The following RAB27B variants were observed in gnomAD, a reference collection of about 807,000 sequenced individuals.
RAB27B encodes RAB27B, member RAS oncogene family, also known as ras-related protein Rab-27B.
Under a neutral mutation model 24.6 loss-of-function variants are expected in RAB27B, and 15 were observed. The ratio of observed to expected loss-of-function variants is 0.61; its 90% CI spans 0.41 to 0.94. The LOEUF (loss-of-function observed/expected upper bound fraction) is 0.94, where lower values mean the gene tolerates loss of function less well. Among genes scored for constraint, RAB27B ranks in the 40% least tolerant of loss-of-function variants. RAB27B has a pLI of 0.00. For synonymous variants in RAB27B, 105 were observed against 92.5 expected (o/e 1.14, Z -0.78); for missense variants, 261 against 266.8 (o/e 0.98, Z 0.15).
chr18:54,777,482 G>A (rs1030875686), intron 2 of RAB27B, among the ~76,000 whole-genome samples: 4 of 152,208 alleles, frequency 2.6e-5, no homozygotes, highest in Admixed American at 2.0e-4. Context: ...CTCTAGCTGC[G>A]CTTAAATTCA....
intron 2 of RAB27B, among the ~76,000 whole-genome samples, chr18:54,780,245 C>T (rs1258437978): frequency 1.4e-5 from 2 of 141,900 alleles, no homozygotes; most frequent in African/African-American, 5.4e-5. Context: ...CTCCCCCTCA[C>T]TATGTCTCCG....
At chr18:54,816,813 G>T (rs951192300) in intron 2 of RAB27B, among the ~76,000 whole-genome samples, 10 of 152,150 alleles carry the variant, frequency 6.6e-5, no homozygotes, top group Admixed American at 4.6e-4. Flanking sequence ...TTATTAAAAT[G>T]CAAGACAGAG....
chr18:54,812,054 A>G (rs1173137606), intron 2 of RAB27B, among the ~76,000 whole-genome samples: 1 of 152,166 alleles, frequency 6.6e-6, no homozygotes, highest in Non-Finnish European at 1.5e-5. Context: ...TTGCTCTGAT[A>G]AGGTAATAAG....
intron 2 of RAB27B, among the ~76,000 whole-genome samples, chr18:54,794,131 C>A (rs1909339178): frequency 6.6e-6 from 1 of 152,148 alleles, no homozygotes; most frequent in African/African-American, 2.4e-5. Context: ...AATTTCTATG[C>A]TTCAGTTTTT....
At chr18:54,757,118 T>C (rs1266533172) in intron 2 of RAB27B, among the ~76,000 whole-genome samples, 1 of 151,974 alleles carries the variant, frequency 6.6e-6, no homozygotes, top group African/African-American at 2.4e-5. Flanking sequence ...AGAGCAGGAG[T>C]AGGCCAAAGT....
intron 2 of RAB27B, among the ~76,000 whole-genome samples, chr18:54,808,823 C>G (rs750250455): frequency 6.6e-6 from 1 of 152,058 alleles, no homozygotes; most frequent in Non-Finnish European, 1.5e-5. Context: ...TTATTAAAAA[C>G]AGAAAAATAT....
At chr18:54,824,127 A>T (rs1044696146), upstream of RAB27B, among the ~76,000 whole-genome samples, 3 of 152,194 alleles carry the variant, frequency 2.0e-5, no homozygotes, top group Admixed American at 1.3e-4. Context: ...TCCCTCTGCC[A>T]TCCTCCACAT....
chr18:54,815,292 C>T (rs879343268), intron 2 of RAB27B, among the ~76,000 whole-genome samples: 6 of 152,204 alleles, frequency 3.9e-5, no homozygotes, highest in Non-Finnish European at 7.3e-5. Flanking sequence ...CTTAGAACAA[C>T]TTGCAGAGGA....
chr18:54,868,598 A>C (rs930445109), intron 1 of RAB27B, among the ~76,000 whole-genome samples: 1 of 74,040 alleles, frequency 1.4e-5, no homozygotes, highest in Non-Finnish European at 3.0e-5. Context: ...CTAAACTCTC[A>C]GTTTCGTTGT....
chr18:54,826,405 T>C (rs755034459), upstream of RAB27B, among the ~76,000 whole-genome samples: 1 of 152,166 alleles, frequency 6.6e-6, no homozygotes, highest in African/African-American at 2.4e-5. Context: ...ACATTTCTCT[T>C]ATGTCTTCCT....
At chr18:54,849,432 A>G (rs1277571375) in intron 1 of RAB27B, among the ~76,000 whole-genome samples, 1 of 152,140 alleles carries the variant, frequency 6.6e-6, no homozygotes, top group Non-Finnish European at 1.5e-5. Context: ...AAAGAAGGTA[A>G]ATTGGCCAGG....
chr18:54,748,305 C>T (rs1031207791), intron 2 of RAB27B, among the ~76,000 whole-genome samples: 5 of 152,092 alleles, frequency 3.3e-5, no homozygotes, highest in African/African-American at 4.8e-5. Context: ...TGATTATTGT[C>T]GGAATTTGAT....
chr18:54,868,202 A>G (rs1388315604), intron 1 of RAB27B, among the ~76,000 whole-genome samples: 1 of 152,158 alleles, frequency 6.6e-6, no homozygotes, highest in African/African-American at 2.4e-5. Flanking sequence ...TTGAACTACT[A>G]AAGTGTGATG....
chr18:54,760,186 T>G, intron 2 of RAB27B, among the ~76,000 whole-genome samples: 1 of 152,136 alleles, frequency 6.6e-6, no homozygotes, highest in Non-Finnish European at 1.5e-5. Flanking sequence ...TCCCAGCCCC[T>G]GCACCCACTT....
rs946146703 is a variant in RAB27B at position 54,720,421 on chromosome 18, G to A, written c.-20+2280G>A. On this transcript the variant is annotated intron_variant, in intron 2 of 4. Transcript: ENST00000586570. ...AATAAATAGTAAATCTCATTCCACC[G>A]ATTTCACCAACAGCAGTACTTTTCC... is the stretch of plus-strand genomic sequence containing the variant. Among the ~76,000 whole-genome samples the A allele has an allele frequency of 3.9e-5, 6 of 151,920 alleles. 1 individual carries two copies. Among genetic ancestry groups the A allele is most frequent in the Admixed American group, 6.6e-5 (1 of 15,258 alleles).
intron 1 of RAB27B, among the ~76,000 whole-genome samples, chr18:54,837,317 C>G (rs1046737936): frequency 1.3e-5 from 2 of 151,798 alleles, no homozygotes; most frequent in South Asian, 2.1e-4. Context: ...GAATAATTAG[C>G]GAGGGTGGGC....
intron 1 of RAB27B, among the ~76,000 whole-genome samples, chr18:54,835,943 G>A (rs1910876698): frequency 6.6e-6 from 1 of 151,964 alleles, no homozygotes; most frequent in Admixed American, 6.5e-5. Flanking sequence ...TTCTGAACAC[G>A]CTTAATTTGG....
At chr18:54,830,471 G>A (rs1910630882) in intron 1 of RAB27B, among the ~76,000 whole-genome samples, 1 of 152,116 alleles carries the variant, frequency 6.6e-6, no homozygotes, top group South Asian at 2.1e-4. Context: ...AAGGCAGGTT[G>A]ACCAATAGTT....
intron 1 of RAB27B, among the ~76,000 whole-genome samples, chr18:54,852,385 A>T (rs1212889281): frequency 1.3e-5 from 2 of 152,230 alleles, no homozygotes; most frequent in Non-Finnish European, 2.9e-5. Context: ...ATTCTTAGTA[A>T]GGATACTTCT....
Sources: gnomAD v4.1 joint callset for allele counts (sites outside exome capture counted in the v4.1 genomes callset) on GRCh38, gnomAD v4.1.1 for gene constraint, MANE v1.5 for transcripts, NCBI Gene and HGNC (gene_info 2026-07-23, HGNC 2026-07-21) for gene names.